The following RAPGEF5 variants were observed in gnomAD, a reference collection of about 807,000 sequenced individuals.
RAPGEF5 encodes the protein Rap guanine nucleotide exchange factor 5, also known as M-Ras-regulated GEF.
A neutral mutation model predicts 125.2 loss-of-function variants in RAPGEF5; 65 were observed. That is an observed-to-expected ratio of 0.52 (90% CI 0.43 to 0.64). The LOEUF (loss-of-function observed/expected upper bound fraction) is 0.64, where lower values mean the gene tolerates loss of function less well. Among genes scored for constraint, RAPGEF5 ranks in the 30% least tolerant of loss-of-function variants. The pLI is 0.00. For missense variants in RAPGEF5, 958 were observed against 1,048.1 expected (o/e 0.91, Z 1.19); for synonymous variants, 391 against 385.9 (o/e 1.01, Z -0.16).
intron 7 of RAPGEF5, among the ~76,000 whole-genome samples, chr7:22,247,971 T>C (rs1786522343): frequency 6.6e-6 from 1 of 152,022 alleles, no homozygotes; most frequent in Non-Finnish European, 1.5e-5. Context: ...TGTAGACTAC[T>C]GGATGAGGGA....
chr7:22,256,937 C>T (rs1000361773), intron 7 of RAPGEF5, among the ~76,000 whole-genome samples: 4 of 152,312 alleles, frequency 2.6e-5, no homozygotes. Flanking sequence ...AAGGCACATC[C>T]TAATGGCCTT....
intron 5 of RAPGEF5, among the ~76,000 whole-genome samples, chr7:22,293,984 G>T (rs1357411797): frequency 1.3e-5 from 2 of 152,120 alleles, no homozygotes; most frequent in African/African-American, 4.8e-5. Flanking sequence ...ATACTTTTCA[G>T]TGCAACCCAG....
intron 9 of RAPGEF5, chr7:22,194,626 G>A (rs1304173251): frequency 1.0e-6 from 1 of 984,258 alleles, no homozygotes; most frequent in Non-Finnish European, 1.2e-6. Flanking sequence ...AATTTATAAT[G>A]TACTAGTTTT....
chr7:22,177,979 T>C (rs965770412), intron 11 of RAPGEF5, among the ~76,000 whole-genome samples: 2 of 152,034 alleles, frequency 1.3e-5, no homozygotes, highest in African/African-American at 2.4e-5. Context: ...TATAAAGTTG[T>C]TTCCTAAGTG....
intron 7 of RAPGEF5, among the ~76,000 whole-genome samples, chr7:22,238,375 T>C (rs758227534): frequency 3.9e-5 from 6 of 152,218 alleles, no homozygotes; most frequent in Non-Finnish European, 7.3e-5. Flanking sequence ...GTTGTGTTTA[T>C]TTTCTGACAC....
rs990007401 is a variant in RAPGEF5, at chr7:22,119,832, G to C, written c.*2574C>G. The C allele has an allele frequency of 6.6e-6, 1 of 152,216 alleles. No individual in the cohort carries two copies. Among genetic ancestry groups the C allele is most frequent in the Non-Finnish European group, 1.5e-5 (1 of 68,054 alleles). The allele number at this position is 152,216 out of a possible 1,614,324, so 9.4% of individuals were successfully genotyped here. On this transcript the variant is annotated 3_prime_UTR_variant, in exon 26 of 26. Coordinates refer to ENST00000665637, the MANE Select transcript of RAPGEF5 (RefSeq NM_012294.5). The surrounding 1 kb of genome is among the most constrained non-coding windows in gnomAD (Gnocchi z 4.1). The stretch of plus-strand genomic sequence containing the variant: ...GCCAGAACAAACCCTATTCTGAAGA[G>C]GCCTTGGTGAATATCCAGAGAGGGT...
chr7:22,160,291 C>T (rs893143019), intron 14 of RAPGEF5, among the ~76,000 whole-genome samples: 2 of 152,038 alleles, frequency 1.3e-5, no homozygotes, highest in African/African-American at 4.8e-5. Flanking sequence ...GTTATTTTTA[C>T]TATATAAAAC....
intron 5 of RAPGEF5, among the ~76,000 whole-genome samples, chr7:22,297,898 A>T (rs1163736811): frequency 6.6e-6 from 1 of 152,178 alleles, no homozygotes. Flanking sequence ...TTTTGTATAA[A>T]GTCTTATCAG....
At chr7:22,135,789 T>C (rs2128101561) in intron 23 of RAPGEF5, among the ~76,000 whole-genome samples, 1 of 152,244 alleles carries the variant, frequency 6.6e-6, no homozygotes, top group African/African-American at 2.4e-5. Flanking sequence ...AAAACACAAA[T>C]GTTTCCAGTG....
intron 1 of RAPGEF5, among the ~76,000 whole-genome samples, chr7:22,320,094 A>C (rs1218295905): frequency 6.6e-6 from 1 of 152,216 alleles, no homozygotes; most frequent in African/African-American, 2.4e-5. Flanking sequence ...GGCCCCAGGA[A>C]CTCAACAAGC....
At chr7:22,164,997 T>C (rs1562732242) in intron 12 of RAPGEF5, among the ~76,000 whole-genome samples, 1 of 152,190 alleles carries the variant, frequency 6.6e-6, no homozygotes, top group Non-Finnish European at 1.5e-5. Context: ...ACATCTTCAC[T>C]AAGATGTGCA....
Position 22,356,864 on chromosome 7 carries a change from G to A in RAPGEF5, c.197C>T (p.Thr66Met). The change falls in exon 1 of 26, where the codon ACG (threonine) becomes ATG (methionine). Residue 66 changes from threonine (T) to methionine (M), a missense_variant. Physicochemically the swap from Thr to Met is moderately conservative, Grantham distance 81. Transcript: ENST00000665637. ...DLPALLRSGLTLRRKRSAAGG... is the reference protein window; with the variant it reads ...DLPALLRSGLMLRRKRSAAGG... ...AGCGGCGCTCCGCTTCCTCCGCAGC[G>A]TGAGCCCGCTCCGCAGCAGCGCGGG... 3.4e-6 allele frequency: 4 copies of A among 1,163,870 alleles called. No homozygotes were observed. Among genetic ancestry groups the A allele is most frequent in the Non-Finnish European group, 4.2e-6 (4 of 944,524 alleles). The allele number at this position is 1,163,870 out of a possible 1,614,324, so 72.1% of individuals were successfully genotyped here. A position where few individuals can be genotyped will look rare whatever the true frequency, so the allele number is the denominator to read the frequency against.
chr7:22,276,165 A>T (rs186769033), intron 6 of RAPGEF5, among the ~76,000 whole-genome samples: 26 of 152,276 alleles, frequency 1.7e-4, no homozygotes, highest in African/African-American at 5.8e-4. Context: ...ATAAAACGTT[A>T]TGTTTACATA....
chr7:22,255,829 T>C (rs999308154), intron 7 of RAPGEF5, among the ~76,000 whole-genome samples: 1 of 152,184 alleles, frequency 6.6e-6, no homozygotes, highest in Non-Finnish European at 1.5e-5. Flanking sequence ...AGAATAAGAA[T>C]GCCTTTTCAC....
At chr7:22,181,424 G>A (rs903134301) in intron 11 of RAPGEF5, among the ~76,000 whole-genome samples, 5 of 152,266 alleles carry the variant, frequency 3.3e-5, no homozygotes, top group Non-Finnish European at 7.4e-5. Context: ...ATGCAATGGA[G>A]AATTTTAAAT....
intron 6 of RAPGEF5, among the ~76,000 whole-genome samples, chr7:22,278,526 A>C (rs1056325242): frequency 2.6e-5 from 4 of 152,044 alleles, no homozygotes; most frequent in African/African-American, 9.7e-5. Flanking sequence ...AATCATCCCC[A>C]GTCCCAGTGT....
At chr7:22,338,852 C>T (rs554954220) in intron 1 of RAPGEF5, among the ~76,000 whole-genome samples, 1 of 152,302 alleles carries the variant, frequency 6.6e-6, no homozygotes, top group East Asian at 1.9e-4. Flanking sequence ...AGAAGAGGCG[C>T]CCCCACCACC....
chr7:22,127,590 T>A (rs968708508), intron 24 of RAPGEF5, among the ~76,000 whole-genome samples: 6 of 152,228 alleles, frequency 3.9e-5, no homozygotes, highest in Non-Finnish European at 7.3e-5. Context: ...CTAGTTCTCT[T>A]GAGAATCAAC....
intron 5 of RAPGEF5, among the ~76,000 whole-genome samples, chr7:22,301,521 A>T (rs1257058505): frequency 3.3e-5 from 5 of 150,988 alleles, no homozygotes; most frequent in African/African-American, 9.8e-5. Context: ...AGGCTGCGGC[A>T]GGAGAATGGC....
Sources: gnomAD v4.1 joint callset for allele counts (sites outside exome capture counted in the v4.1 genomes callset) on GRCh38, gnomAD v4.1.1 for gene constraint, Gnocchi (gnomAD v3.1) non-coding constraint, MANE v1.5 for transcripts, NCBI Gene and HGNC (gene_info 2026-07-23, HGNC 2026-07-21) for gene names.